Variants in PAM observed in about 807,000 individuals in gnomAD.
The protein encoded by PAM is peptidylglycine alpha-amidating monooxygenase, also known as peptidyl-glycine alpha-amidating monooxygenase.
A neutral mutation model predicts 122.1 loss-of-function variants in PAM; 72 were observed. The ratio of observed to expected loss-of-function variants is 0.59; its 90% confidence interval spans 0.49 to 0.72. The LOEUF (loss-of-function observed/expected upper bound fraction) is 0.72. PAM is among the 30% of genes least tolerant of loss of function. The pLI is 0.00. For synonymous variants in PAM, 389 were observed against 404.4 expected (o/e 0.96, Z 0.46); for missense variants, 1,106 against 1,183.7 (o/e 0.93, Z 0.96).
intron 16 of PAM, among the ~76,000 whole-genome samples, chr5:102,995,339 A>G (rs947230430): frequency 6.6e-6 from 1 of 151,962 alleles, no homozygotes; most frequent in African/African-American, 2.4e-5. Context: ...GTTTTATGCT[A>G]TTTTCTCTAG....
intron 22 of PAM, among the ~76,000 whole-genome samples, chr5:103,018,067 A>G (rs369635792): frequency 1.3e-5 from 2 of 152,296 alleles, no homozygotes; most frequent in African/African-American, 2.4e-5. Flanking sequence ...AACCCCTAAT[A>G]TGCTAAAACA....
intron 15 of PAM, among the ~76,000 whole-genome samples, chr5:102,976,540 T>C (rs1186471858): frequency 2.0e-5 from 3 of 150,052 alleles, no homozygotes; most frequent in Admixed American, 6.6e-5. Flanking sequence ...ATTGTTTCTT[T>C]CATACCCTTC....
chr5:102,914,405 T>G (rs1277894258), intron 5 of PAM, among the ~76,000 whole-genome samples: 1 of 152,056 alleles, frequency 6.6e-6, no homozygotes, highest in Non-Finnish European at 1.5e-5. Flanking sequence ...CAATATACCA[T>G]GTAACATGTT....
rs780889194 is a variant in PAM at position 103,025,347 on chromosome 5, A to T, written c.2689+13A>T. 3 of 1,607,062 alleles carry T rather than the reference A, an allele frequency of 1.9e-6. No individual in the cohort carries two copies. The highest frequency in any genetic ancestry group is 2.6e-6 in the Non-Finnish European group (3 of 1,173,744). ...AGGGCCTTTGGAGGCAAGTAAAATG[A>T]GCCCCGTGAACTTGGAACCTGCCTT... On this transcript the variant is annotated intron_variant, in intron 24 of 25. Coordinates refer to ENST00000438793, the MANE Select transcript of PAM (RefSeq NM_001177306.2).
intron 15 of PAM, chr5:102,989,750 G>T (rs1257523773): frequency 6.6e-6 from 1 of 151,258 alleles, no homozygotes; most frequent in South Asian, 2.1e-4. Context: ...TTATTATGGG[G>T]GCTATTTTAT....
intron 1 of PAM, among the ~76,000 whole-genome samples, chr5:102,768,527 A>G (rs1003450791): frequency 6.6e-6 from 1 of 152,028 alleles, no homozygotes; most frequent in Non-Finnish European, 1.5e-5. Context: ...CCGTCATTCT[A>G]CTATCTCCAT....
Position 103,009,766 on chromosome 5 carries a change from T to C in PAM, c.2231T>C (p.Val744Ala), listed in dbSNP as rs1188475104. The part of the protein sequence containing the change: ...ISYIPGLLFA[V>A]NGKPHFGDQE... ...GCTGTTGCAGGCTTGCTCTTTGCAGTGAATGGGAAGCCTCATTTTGGGGAC... is the reference window on the plus strand; with the variant it reads ...GCTGTTGCAGGCTTGCTCTTTGCAGCGAATGGGAAGCCTCATTTTGGGGAC... Residue 744 changes from valine (V) to alanine (A), a missense_variant, in exon 21 of 26, where the codon GTG (valine) becomes GCG (alanine). Coordinates refer to ENST00000438793, the MANE Select transcript of PAM (RefSeq NM_001177306.2). 3 of 1,606,660 alleles carry C rather than the reference T, an allele frequency of 1.9e-6. No homozygotes were observed. Among genetic ancestry groups the C allele is most frequent in the Non-Finnish European group, 2.6e-6 (3 of 1,173,374 alleles).
At chr5:102,806,611 T>A (rs1467415922) in intron 1 of PAM, among the ~76,000 whole-genome samples, 1 of 152,002 alleles carries the variant, frequency 6.6e-6, no homozygotes, top group Non-Finnish European at 1.5e-5. Context: ...ACACACAGAG[T>A]TTTGTACTGT....
intron 1 of PAM, among the ~76,000 whole-genome samples, chr5:102,808,883 A>G (rs897003200): frequency 2.0e-5 from 3 of 152,236 alleles, no homozygotes; most frequent in African/African-American, 7.2e-5. Context: ...GATGAATGCA[A>G]TTAGTGCTTC....
rs911307541 is a variant in PAM at position 103,028,997 on chromosome 5, G to A, written c.2854G>A (p.Asp952Asn). Residue 952 changes from aspartate (D) to asparagine (N), a missense_variant, in exon 26 of 26, where the codon GAT becomes AAT. By Grantham distance (23) the Asp-to-Asn change is conservative (BLOSUM62 1). Around this residue, in one of 3 missense-constraint regions of PAM, gnomAD observed 333 missense variants for 335.6 expected, o/e 0.99. Transcript: ENST00000438793. Reference sequence around the variant, plus strand: ...TGAGGGCAGTGACCAAGAGAAAGAGGATGATGGAAGTGAATCAGAAGAGGA... The same window carrying A: ...TGAGGGCAGTGACCAAGAGAAAGAGAATGATGGAAGTGAATCAGAAGAGGA... ...STEGSDQEKE[D>N]DGSESEEEYS... 7 of 1,613,828 alleles carry A rather than the reference G, an allele frequency of 4.3e-6. No homozygotes were observed. The highest frequency in any genetic ancestry group is 1.7e-5 in the Admixed American group (1 of 60,004).
chr5:102,994,217 T>G (rs1774992416), intron 16 of PAM, among the ~76,000 whole-genome samples: 1 of 152,166 alleles, frequency 6.6e-6, no homozygotes. Context: ...AGAAACTCCC[T>G]AGATATGAGA....
intron 1 of PAM, among the ~76,000 whole-genome samples, chr5:102,761,905 A>G (rs1327932075): frequency 2.0e-5 from 3 of 152,204 alleles, no homozygotes; most frequent in Admixed American, 6.5e-5. Context: ...TACATCAACA[A>G]ATCCTTATTT....
intron 5 of PAM, among the ~76,000 whole-genome samples, chr5:102,923,351 T>C (rs1748114304): frequency 6.6e-6 from 1 of 152,148 alleles, no homozygotes; most frequent in South Asian, 2.1e-4. Context: ...TATTTAGGAA[T>C]CTATCACAGT....
At chr5:102,837,670 A>G (rs1777473543) in intron 1 of PAM, 1 of 152,222 alleles carries the variant, frequency 6.6e-6, no homozygotes, top group African/African-American at 2.4e-5. Flanking sequence ...CACTATTTAT[A>G]TTTTTCTCAA....
rs1445057506 is a variant in PAM at position 102,901,392 on chromosome 5, G to C, written c.247G>C (p.Val83Leu). 1 of 1,588,854 alleles carries C rather than the reference G, an allele frequency of 6.3e-7. No homozygotes were observed. The highest frequency in any genetic ancestry group is 2.2e-5 in the East Asian group (1 of 44,588). The change falls in exon 4 of 26, where the codon GTG becomes CTG. Residue 83 changes from valine (V) to leucine (L), a missense_variant. Physicochemically the swap from Val to Leu is conservative, Grantham distance 32. Coordinates refer to ENST00000438793, the MANE Select transcript of PAM (RefSeq NM_001177306.2). ...CTTCTGCATGTCTATGCGAATACCA[G>C]TGGATGAGGAAGCCTTCGTGAGTAA... ...TYFCMSMRIP[V>L]DEEAFVIDFK...
chr5:102,883,519 C>G (rs1791983457), intron 3 of PAM, among the ~76,000 whole-genome samples: 1 of 151,882 alleles, frequency 6.6e-6, no homozygotes. Flanking sequence ...AGCTTGATCA[C>G]TGTTGATGTA....
intron 14 of PAM, among the ~76,000 whole-genome samples, chr5:102,961,989 C>A (rs138549348): frequency 6.6e-6 from 1 of 151,986 alleles, no homozygotes; most frequent in East Asian, 1.9e-4. Context: ...AAACCCACTT[C>A]TACTGACAGC....
chr5:102,990,293 T>G lies in PAM; in HGVS notation c.1505T>G (p.Leu502Arg), dbSNP rs1367420421. The change falls in exon 16 of 26, where the codon CTG becomes CGG. Residue 502 changes from leucine (L) to arginine (R), a missense_variant. Physicochemically the swap from Leu to Arg is moderately radical, Grantham distance 102. This residue lies in a region of PAM where 670 missense variants were observed against 690.3 expected (regional missense o/e 0.97). Transcript: ENST00000438793. The stretch of plus-strand genomic sequence containing the variant: ...TTAGATTTCCACATGGAAGAGGCAC[T>G]GGATTGGCCTGGAGTATACTTGTTA... ...HTGDFHMEEALDWPGVYLLPG... is the reference protein window; with the variant it reads ...HTGDFHMEEARDWPGVYLLPG... 6.4e-7 allele frequency: 1 copy of G among 1,561,792 alleles called. No individual in the cohort carries two copies. The highest frequency in any genetic ancestry group is 8.7e-7 in the Non-Finnish European group (1 of 1,147,392).
chr5:102,825,314 C>A (rs1773268682), intron 1 of PAM, among the ~76,000 whole-genome samples: 1 of 152,084 alleles, frequency 6.6e-6, no homozygotes, highest in Admixed American at 6.5e-5. Context: ...CGCTGGCTTT[C>A]AATCTAAAAC....
Sources: allele counts gnomAD v4.1 joint callset (sites outside exome capture counted in the v4.1 genomes callset), GRCh38; gene constraint gnomAD v4.1.1; regional missense constraint gnomAD v4.1.1; transcripts MANE v1.5; gene names NCBI Gene and HGNC (gene_info 2026-07-23, HGNC 2026-07-21).